The following SNX22 variants were observed in gnomAD, a reference collection of about 807,000 sequenced individuals.
SNX22 encodes the protein sorting nexin 22.
A neutral mutation model predicts 24.7 loss-of-function variants in SNX22; 23 were observed. The observed-to-expected ratio is 0.93, with a 90% confidence interval of 0.67 to 1.32. SNX22 has a LOEUF of 1.32. SNX22 is among the 40% of genes most tolerant of loss of function. SNX22 has a pLI of 0.00. For synonymous variants in SNX22, 99 were observed against 104.0 expected, an observed-to-expected ratio of 0.95 and a Z score of 0.29; for missense variants, 261 against 249.9, an observed-to-expected ratio of 1.04 and a Z score of -0.30.
rs534410250 is a variant in SNX22, at chr15:64,152,604, G to A, written c.160-34G>A. 7 of 1,595,662 alleles carry A rather than the reference G, an allele frequency of 4.4e-6. No individual in the cohort carries two copies. In the African/African-American group the frequency reaches 9.4e-5, roughly 21 times the overall value. On this transcript the variant is annotated intron_variant, in intron 2 of 6. Transcript: ENST00000325881. ...GAAGAGGGCTTGAGGGCTCAGTCGG[G>A]ATGCTGTGATCGCACGCGGTAAACC...
intron 4 of SNX22, 145 bp from the exon 5 acceptor site, chr15:64,153,506 AC>A (rs1366811585): frequency 2.0e-6 from 3 of 1,479,702 alleles, no homozygotes; most frequent in Admixed American, 1.8e-5. Context: ...AGACTTGGTT[AC>A]CCCCGCCACC....
In SNX22 at chr15:64,153,343, AG is replaced by A; in HGVS notation, c.359+10del. 1 of 1,613,032 alleles carries A rather than the reference AG, an allele frequency of 6.2e-7. No homozygotes were observed. Among genetic ancestry groups the A allele is most frequent in the Non-Finnish European group, 8.5e-7 (1 of 1,179,256 alleles). On this transcript the variant is annotated splice_donor_5th_base_variant and intron_variant, in intron 4 of 6. Coordinates refer to ENST00000325881, the MANE Select transcript of SNX22 (RefSeq NM_024798.3). ...ACCCCAAGGCTAGCAACTGGGGGTA[AG>A]GGGGGCCGATGGCGGGGGCCAGGGG...
At chr15:64,151,897 T>G in intron 1 of SNX22, 47 bp downstream of exon 1, 1 of 1,494,758 alleles carries the variant, frequency 6.7e-7, no homozygotes, top group Non-Finnish European at 8.9e-7. Flanking sequence ...CCCGCAGGAT[T>G]TCCCCGCGCT....
rs28720194 is a variant in SNX22 at position 64,154,595 on chromosome 15, C to T, written c.*87C>T. On this transcript the variant is annotated 3_prime_UTR_variant, in exon 7 of 7. Coordinates refer to ENST00000325881, the MANE Select transcript of SNX22 (RefSeq NM_024798.3). ...ATATAAGGCTGGGTCCTCCTTTGGCCTGGACCCAGGACTTAATTACCCAGT... is the reference window on the plus strand; with the variant it reads ...ATATAAGGCTGGGTCCTCCTTTGGCTTGGACCCAGGACTTAATTACCCAGT... 41 of 1,523,122 alleles carry T rather than the reference C, an allele frequency of 2.7e-5. No individual in the cohort carries two copies. The African/African-American group carries it at 4.8e-4, about 18-fold the overall frequency. 94.4% of individuals were successfully genotyped at this position (1,523,122 alleles called of 1,614,324 possible).
rs2081491689 is a variant in SNX22 at position 64,152,236 on chromosome 15, C to G, written c.76-7C>G. On this transcript the variant is annotated splice_polypyrimidine_tract_variant and splice_region_variant and intron_variant, in intron 1 of 6. Coordinates refer to ENST00000325881, the MANE Select transcript of SNX22 (RefSeq NM_024798.3). ...CGCGCAGACCCGCTGCCCGCCCGCG[C>G]CGCCAGGTGTTCCGAGTGGAGGTGC... 1 of 1,397,386 alleles carries G rather than the reference C, an allele frequency of 7.2e-7. No homozygotes were observed. The highest frequency in any genetic ancestry group is 1.6e-5 in the South Asian group (1 of 62,776). The allele number at this position is 1,397,386 out of a possible 1,614,324, so 86.6% of individuals were successfully genotyped here. A position where few individuals can be genotyped will look rare whatever the true frequency, so the allele number is the denominator to read the frequency against.
rs1243212193 is a variant in SNX22 at position 64,152,274 on chromosome 15, G to T, written c.107G>T (p.Arg36Leu). 1 of 1,485,178 alleles carries T rather than the reference G, an allele frequency of 6.7e-7. No homozygotes were observed. Among genetic ancestry groups the T allele is most frequent in the East Asian group, 2.7e-5 (1 of 36,876 alleles). 92.0% of individuals were successfully genotyped at this position (1,485,178 alleles called of 1,614,324 possible). ...CGAGTGGAGGTGCTGTGCAGCGGGC[G>T]CAGACACACGGTGCCAAGGCGCTAC... ...VFRVEVLCSG[R>L]RHTVPRRYSE... Residue 36 changes from arginine to leucine, a missense_variant, in exon 2 of 7, where the codon CGC becomes CTC. By Grantham distance (102) the Arg-to-Leu change is moderately radical (BLOSUM62 -2). Coordinates refer to ENST00000325881, the MANE Select transcript of SNX22 (RefSeq NM_024798.3).
chr15:64,152,625 A>C lies in SNX22; in HGVS notation c.160-13A>C. 1 of 1,612,768 alleles carries C rather than the reference A, an allele frequency of 6.2e-7. No individual in the cohort carries two copies. Among genetic ancestry groups the C allele is most frequent in the Non-Finnish European group, 8.5e-7 (1 of 1,178,782 alleles). On this transcript the variant is annotated splice_polypyrimidine_tract_variant and intron_variant, in intron 2 of 6. Coordinates refer to ENST00000325881, the MANE Select transcript of SNX22 (RefSeq NM_024798.3). Reference sequence around the variant, plus strand: ...TCGGGATGCTGTGATCGCACGCGGTAAACCTCCAGTAGATCAAGAAGCTGT... The same window carrying C: ...TCGGGATGCTGTGATCGCACGCGGTCAACCTCCAGTAGATCAAGAAGCTGT...
intron 2 of SNX22, 26 bp from the exon 3 acceptor site, chr15:64,152,612 G>C (rs1469455187): frequency 1.9e-6 from 3 of 1,606,902 alleles, no homozygotes; most frequent in Non-Finnish European, 2.6e-6. Context: ...GGGATGCTGT[G>C]ATCGCACGCG....
chr15:64,154,031 AG>A, intron 6 of SNX22, 29 bp downstream of exon 6: 1 of 1,614,086 alleles, frequency 6.2e-7, no homozygotes, highest in Non-Finnish European at 8.5e-7. Flanking sequence ...ATGGGGCTAC[AG>A]GGCTGGGTTG....
chr15:64,152,208 TCA>T (rs1383715713), intron 1 of SNX22, 33 bp from the exon 2 acceptor site: 6 of 1,378,608 alleles, frequency 4.4e-6, no homozygotes, highest in African/African-American at 3.1e-5. Context: ...CCGCGGGGCC[TCA>T]CGCGCAGACC....
chr15:64,152,452 G>A, intron 2 of SNX22, 126 bp downstream of exon 2: 1 of 1,261,196 alleles, frequency 7.9e-7, no homozygotes, highest in Non-Finnish European at 1.1e-6. Context: ...TCCCTGCGCA[G>A]CCGGTCAGCC....
rs1813271459 is a variant in SNX22 at position 64,155,521 on chromosome 15, A to C, written c.*1013A>C. Reference sequence around the variant, plus strand: ...AGACCTGTCTCTACCAAAAAAAAAAAAAAAAAAAAAAAATCAATTTAGAGG... The same window carrying C: ...AGACCTGTCTCTACCAAAAAAAAAACAAAAAAAAAAAAATCAATTTAGAGG... On this transcript the variant is annotated 3_prime_UTR_variant, in exon 7 of 7. Transcript: ENST00000325881. 1 of 164,020 alleles carries C rather than the reference A, an allele frequency of 6.1e-6. No homozygotes were observed. The highest frequency in any genetic ancestry group is 1.3e-5 in the Non-Finnish European group (1 of 74,686). The allele number at this position is 164,020 out of a possible 1,614,324, so 10.2% of individuals were successfully genotyped here.
At position 64,152,633 on chromosome 15, in the gene SNX22, A is replaced by G; in HGVS notation, c.160-5A>G. On this transcript the variant is annotated splice_polypyrimidine_tract_variant and splice_region_variant and intron_variant, in intron 2 of 6. Transcript: ENST00000325881. Reference sequence around the variant, plus strand: ...CTGTGATCGCACGCGGTAAACCTCCAGTAGATCAAGAAGCTGTACAAAGTG... The same window carrying G: ...CTGTGATCGCACGCGGTAAACCTCCGGTAGATCAAGAAGCTGTACAAAGTG... 1 of 1,613,708 alleles carries G rather than the reference A, an allele frequency of 6.2e-7. No homozygotes were observed. Among genetic ancestry groups the G allele is most frequent in the Non-Finnish European group, 8.5e-7 (1 of 1,179,616 alleles).
chr15:64,152,114 C>T lies in SNX22; in HGVS notation c.76-129C>T, dbSNP rs531607889. On this transcript the variant is annotated intron_variant, in intron 1 of 6. Transcript: ENST00000325881. Reference sequence around the variant, plus strand: ...TGTGCGGGAGCGGAGAGTCCCCGGGCAGCCGCGGCGCCGCAAGGCCGCTTT... The same window carrying T: ...TGTGCGGGAGCGGAGAGTCCCCGGGTAGCCGCGGCGCCGCAAGGCCGCTTT... 2.8e-5 allele frequency: 27 copies of T among 972,300 alleles called. No individual in the cohort carries two copies. In the African/African-American group the frequency reaches 4.5e-4, roughly 16 times the overall value. The allele number at this position is 972,300 out of a possible 1,614,324, so 60.2% of individuals were successfully genotyped here. A position where few individuals can be genotyped will look rare whatever the true frequency, so the allele number is the denominator to read the frequency against.
chr15:64,152,005 T>A (rs1357925546), intron 1 of SNX22, 155 bp downstream of exon 1: 2 of 838,484 alleles, frequency 2.4e-6, no homozygotes, highest in Non-Finnish European at 1.7e-6. Flanking sequence ...GCCGCTTGGA[T>A]TTGCCAGCCT....
chr15:64,152,065 G>T (rs1165321433), intron 1 of SNX22, 178 bp from the exon 2 acceptor site: 1 of 768,110 alleles, frequency 1.3e-6, no homozygotes, highest in Admixed American at 3.9e-5. Context: ...CCGAGGGGCA[G>T]GTCCGCCAGC....
In SNX22 at chr15:64,155,510, CAAA is replaced by C. The variant is rs3056904; in HGVS notation, c.*1024_*1026del. 64 of 124,612 alleles carry C rather than the reference CAAA, an allele frequency of 5.1e-4. No homozygotes were observed. Among genetic ancestry groups the C allele is most frequent in the South Asian group, 4.5e-3 (19 of 4,194 alleles). The allele number at this position is 124,612 out of a possible 1,614,324, so 7.7% of individuals were successfully genotyped here. ...GCAACATAGTGAGACCTGTCTCTACCAAAAAAAAAAAAAAAAAAAAAAAATCAA... is the reference window on the plus strand; with the variant it reads ...GCAACATAGTGAGACCTGTCTCTACCAAAAAAAAAAAAAAAAAAAAATCAA... On this transcript the variant is annotated 3_prime_UTR_variant, in exon 7 of 7. Transcript: ENST00000325881.
chr15:64,153,333 A>C lies in SNX22; in HGVS notation c.353A>C (p.Asn118Thr). 6.2e-7 allele frequency: 1 copy of C among 1,612,872 alleles called. No homozygotes were observed. Among genetic ancestry groups the C allele is most frequent in the Non-Finnish European group, 8.5e-7 (1 of 1,178,988 alleles). The part of the protein sequence containing the change: ...RHFPTDPKAS[N>T]WGTLREFLPG... ...TTCCCCACAGACCCCAAGGCTAGCA[A>C]CTGGGGGTAAGGGGGGCCGATGGCG... is the stretch of plus-strand genomic sequence containing the variant. Residue 118 changes from asparagine (N) to threonine (T), a missense_variant, in exon 4 of 7, where the codon AAC becomes ACC. Transcript: ENST00000325881.
rs2081524695 is a variant in SNX22 at position 64,155,796 on chromosome 15, G to C, written c.*1288G>C. The stretch of plus-strand genomic sequence containing the variant: ...CCTAGGGGAGGTGCTGCAGGCTCAA[G>C]AACCAGGCCCACACATTATATATTA... On this transcript the variant is annotated 3_prime_UTR_variant, in exon 7 of 7. Transcript: ENST00000325881. The C allele has an allele frequency of 4.6e-5, 25 of 539,996 alleles. No homozygotes were observed. The highest frequency in any genetic ancestry group is 3.9e-4 in the South Asian group (19 of 49,114). 33.5% of individuals were successfully genotyped at this position (539,996 alleles called of 1,614,324 possible).
Sources: allele counts gnomAD v4.1 joint callset, GRCh38; gene constraint gnomAD v4.1.1; transcripts MANE v1.5; gene names NCBI Gene and HGNC (gene_info 2026-07-23, HGNC 2026-07-21).